Variants in MBD5 observed in about 807,000 individuals in gnomAD.
The protein encoded by MBD5 is methyl-CpG-binding domain protein 5.
In MBD5, 13 loss-of-function variants were observed where a neutral mutation model predicts 117.3. The ratio of observed to expected loss-of-function variants is 0.11; its 90% CI spans 0.07 to 0.18. The LOEUF (loss-of-function observed/expected upper bound fraction) is 0.18, where lower values mean the gene tolerates loss of function less well. Ranked by LOEUF, MBD5 falls within the 10% of genes least tolerant of loss-of-function variation. MBD5 has a pLI of 1.00. For synonymous variants in MBD5, 727 were observed against 766.4 expected (o/e 0.95, Z 0.85); for missense variants, 1,879 against 2,093.8 (o/e 0.90, Z 2.00).
At chr2:148,436,749 A>G (rs1157064248) in intron 4 of MBD5, among the ~76,000 whole-genome samples, 4 of 152,122 alleles carry the variant, frequency 2.6e-5, no homozygotes, top group Non-Finnish European at 5.9e-5. Context: ...AGGTTCTTCA[A>G]GGTTTTCCAA....
intron 1 of MBD5, among the ~76,000 whole-genome samples, chr2:148,128,173 G>T (rs1696948256): frequency 6.6e-6 from 1 of 152,072 alleles, no homozygotes; most frequent in South Asian, 2.1e-4. Flanking sequence ...CTCCCATTCT[G>T]TACGTTGTCT....
At chr2:148,154,512 T>C (rs77032831) in intron 1 of MBD5, among the ~76,000 whole-genome samples, 2 of 152,200 alleles carry the variant, frequency 1.3e-5, no homozygotes, top group African/African-American at 4.8e-5. Flanking sequence ...TGGGCAATGG[T>C]GGGCGCCCCT....
chr2:148,365,709 A>C (rs769916002), intron 4 of MBD5, among the ~76,000 whole-genome samples: 1 of 152,178 alleles, frequency 6.6e-6, no homozygotes, highest in Admixed American at 6.5e-5. Context: ...CCTCTATGCA[A>C]ATAAACTAGA....
chr2:148,307,267 T>C (rs1701916402), intron 3 of MBD5, among the ~76,000 whole-genome samples: 1 of 152,140 alleles, frequency 6.6e-6, no homozygotes, highest in African/African-American at 2.4e-5. Flanking sequence ...ACTAGAAAAC[T>C]TTATTCTTTT....
chr2:148,161,299 A>T (rs1053594508), intron 1 of MBD5, among the ~76,000 whole-genome samples: 2 of 152,148 alleles, frequency 1.3e-5, no homozygotes, highest in African/African-American at 2.4e-5. Flanking sequence ...AAGATCCAGA[A>T]ATAACCCATT....
intron 1 of MBD5, among the ~76,000 whole-genome samples, chr2:148,140,764 C>CT (rs912432089): frequency 0.028 from 3,991 of 144,688 alleles, 99 homozygotes; most frequent in African/African-American, 0.068. Flanking sequence ...TAATGCTGTT[C>CT]TTTTTTTTTT....
chr2:148,027,532 G>A (rs549004954), intron 1 of MBD5: 5 of 151,970 alleles, frequency 3.3e-5, no homozygotes, highest in African/African-American at 4.8e-5. Flanking sequence ...TCCAAAATCC[G>A]AAATGCTTAA....
At chr2:148,168,630 G>A (rs990761967) in intron 1 of MBD5, among the ~76,000 whole-genome samples, 1 of 152,110 alleles carries the variant, frequency 6.6e-6, no homozygotes, top group Non-Finnish European at 1.5e-5. Flanking sequence ...TGGAGTCCAA[G>A]CTACTTGGGA....
chr2:148,471,588 CTG>C (rs1207194784), intron 8 of MBD5: 4 of 152,082 alleles, frequency 2.6e-5, no homozygotes, highest in African/African-American at 9.7e-5. Flanking sequence ...GTCTTTGTTG[CTG>C]ATAGTAAAAG....
chr2:148,232,878 G>T (rs1404976274), intron 2 of MBD5, among the ~76,000 whole-genome samples: 1 of 152,066 alleles, frequency 6.6e-6, no homozygotes, highest in African/African-American at 2.4e-5. Flanking sequence ...TAGTGCTCTT[G>T]CCAGTCTCCT....
intron 1 of MBD5, among the ~76,000 whole-genome samples, chr2:148,145,851 A>G (rs1056009521): frequency 1.2e-4 from 19 of 152,270 alleles, no homozygotes; most frequent in South Asian, 1.2e-3. Flanking sequence ...TCGGTTTGCC[A>G]GTATTTTATT....
At chr2:148,048,461 T>C (rs960690349) in intron 1 of MBD5, among the ~76,000 whole-genome samples, 3 of 152,148 alleles carry the variant, frequency 2.0e-5, no homozygotes, top group Non-Finnish European at 4.4e-5. Flanking sequence ...ACAATAATAA[T>C]ACAACCTGGC....
intron 1 of MBD5, among the ~76,000 whole-genome samples, chr2:148,086,608 C>T (rs757162196): frequency 3.3e-5 from 5 of 152,196 alleles, no homozygotes; most frequent in Non-Finnish European, 7.3e-5. Context: ...CTGAGACTCA[C>T]TTATCCCACT....
chr2:148,245,395 T>G (rs1700313623), intron 3 of MBD5, among the ~76,000 whole-genome samples: 1 of 151,964 alleles, frequency 6.6e-6, no homozygotes, highest in African/African-American at 2.4e-5. Context: ...CTGGCTAATG[T>G]TTTGTATTTT....
intron 3 of MBD5, among the ~76,000 whole-genome samples, chr2:148,300,402 A>C (rs1257775655): frequency 2.0e-5 from 3 of 152,126 alleles, no homozygotes; most frequent in Non-Finnish European, 4.4e-5. Context: ...AAGCTACTTA[A>C]GATCCAATGC....
intron 3 of MBD5, among the ~76,000 whole-genome samples, chr2:148,259,723 C>T (rs1301683541): frequency 6.6e-6 from 1 of 152,128 alleles, no homozygotes; most frequent in Non-Finnish European, 1.5e-5. Flanking sequence ...TGGCTTTGAG[C>T]CAAGCATGAG....
At chr2:148,216,399 A>G (rs1043764538) in intron 2 of MBD5, among the ~76,000 whole-genome samples, 3 of 152,212 alleles carry the variant, frequency 2.0e-5, no homozygotes, top group African/African-American at 7.2e-5. Context: ...ATCTGACTCC[A>G]GAAAGCAGTG....
chr2:148,090,176 A>C (rs969614762), intron 1 of MBD5, among the ~76,000 whole-genome samples: 3 of 152,092 alleles, frequency 2.0e-5, no homozygotes, highest in African/African-American at 7.2e-5. Flanking sequence ...ACAACTAGCG[A>C]GATTGAAACA....
At chr2:148,163,134 A>C (rs776377951) in intron 1 of MBD5, among the ~76,000 whole-genome samples, 1 of 152,220 alleles carries the variant, frequency 6.6e-6, no homozygotes, top group Non-Finnish European at 1.5e-5. Flanking sequence ...AGTTTTGTTT[A>C]TATCACAAGT....
Sources: gnomAD v4.1 joint callset for allele counts (sites outside exome capture counted in the v4.1 genomes callset) on GRCh38, gnomAD v4.1.1 for gene constraint, MANE v1.5 for transcripts, NCBI Gene and HGNC (gene_info 2026-07-23, HGNC 2026-07-21) for gene names.